Variants in PPP1R1A observed in about 807,000 individuals in gnomAD.
The protein encoded by PPP1R1A is protein phosphatase 1 regulatory inhibitor subunit 1A.
PPP1R1A carries 18 observed loss-of-function variants against 23.9 expected under a neutral mutation model. That is an observed-to-expected ratio of 0.75 (90% CI 0.52 to 1.12). The LOEUF (loss-of-function observed/expected upper bound fraction) is 1.12, where lower values mean the gene tolerates loss of function less well. PPP1R1A is among the 50% of genes most tolerant of loss of function. The pLI is 0.00. For missense variants in PPP1R1A, 207 were observed against 223.8 expected, an observed-to-expected ratio of 0.92 and a Z score of 0.48; for synonymous variants, 84 against 80.7, an observed-to-expected ratio of 1.04 and a Z score of -0.22.
chr12:54,580,457 C>T, intron 6 of PPP1R1A, 65 bp from the exon 7 acceptor site: 1 of 1,486,882 alleles, frequency 6.7e-7, no homozygotes, highest in Non-Finnish European at 9.4e-7. Flanking sequence ...TGTCCCTTCC[C>T]CTTCTGGCCA....
At chr12:54,588,240 G>T (rs899614562) in intron 1 of PPP1R1A, among the ~76,000 whole-genome samples, 165 bp downstream of exon 1, 1 of 150,838 alleles carries the variant, frequency 6.6e-6, no homozygotes, top group Non-Finnish European at 1.5e-5. Flanking sequence ...TCCGACGGTG[G>T]GGGAGGGGAC....
intron 3 of PPP1R1A, 97 bp from the exon 4 acceptor site, chr12:54,582,892 G>C (rs1355164524): frequency 7.8e-7 from 1 of 1,275,706 alleles, no homozygotes. Context: ...AGCCCCCCTT[G>C]CCTTCCTCCT....
chr12:54,583,141 T>A, intron 3 of PPP1R1A, 70 bp downstream of exon 3: 1 of 1,459,498 alleles, frequency 6.9e-7, no homozygotes, highest in South Asian at 1.4e-5. Context: ...GGCGGCAGGG[T>A]TTTAAGGAAT....
Position 54,579,853 on chromosome 12 carries a change from T to C in PPP1R1A, c.*534A>G, listed in dbSNP as rs1957837059. On this transcript the variant is annotated 3_prime_UTR_variant, in exon 7 of 7. Coordinates refer to ENST00000257905, the MANE Select transcript of PPP1R1A (RefSeq NM_006741.4). ...GCACACCACCATACCCTCTTTCCCA[T>C]GGGCCAAGTGCCATGGTGCAGTTCC... The C allele has an allele frequency of 1.0e-6, 1 of 985,616 alleles. No individual in the cohort carries two copies. Among genetic ancestry groups the C allele is most frequent in the African/African-American group, 1.7e-5 (1 of 57,216 alleles). 61.1% of individuals were successfully genotyped at this position (985,616 alleles called of 1,614,324 possible). A position where few individuals can be genotyped will look rare whatever the true frequency, so the allele number is the denominator to read the frequency against.
chr12:54,582,359 A>G (rs1297509367), intron 4 of PPP1R1A, among the ~76,000 whole-genome samples: 1 of 152,164 alleles, frequency 6.6e-6, no homozygotes, highest in Non-Finnish European at 1.5e-5. Context: ...GGCATAGGAG[A>G]AGAGGCTTTA....
At chr12:54,584,814 A>G (rs1957893084) in intron 1 of PPP1R1A, among the ~76,000 whole-genome samples, 1 of 151,956 alleles carries the variant, frequency 6.6e-6, no homozygotes, top group Admixed American at 6.6e-5. Flanking sequence ...GGGAGAGCTA[A>G]TCCTAAGGAT....
At chr12:54,583,017 AGTGT>A (rs973742966) in intron 3 of PPP1R1A, among the ~76,000 whole-genome samples, 190 bp downstream of exon 3, 2 of 151,474 alleles carry the variant, frequency 1.3e-5, no homozygotes, top group Admixed American at 6.6e-5. Flanking sequence ...GGAGACTGTG[AGTGT>A]GTGTGTGTAT....
chr12:54,585,716 CT>C (rs139502454), intron 1 of PPP1R1A, among the ~76,000 whole-genome samples: 1,527 of 151,422 alleles, frequency 0.01, 21 homozygotes, highest in African/African-American at 0.035. Context: ...AACACTGCCC[CT>C]CTCTATGCCC....
chr12:54,579,764 T>G lies in PPP1R1A; in HGVS notation c.*623A>C. 1 of 985,624 alleles carries G rather than the reference T, an allele frequency of 1.0e-6. No individual in the cohort carries two copies. The highest frequency in any genetic ancestry group is 1.2e-6 in the Non-Finnish European group (1 of 830,114). 61.1% of individuals were successfully genotyped at this position (985,624 alleles called of 1,614,324 possible). On this transcript the variant is annotated 3_prime_UTR_variant, in exon 7 of 7. Coordinates refer to ENST00000257905, the MANE Select transcript of PPP1R1A (RefSeq NM_006741.4). ...TCCCACAGCTGGAAGAGGGAACACA[T>G]CCTGAAGCTTGGGAATCCAAAAGGA...
rs541155781 is a variant in PPP1R1A, at chr12:54,581,237, T to A, written c.404-187A>T. 1.3e-5 allele frequency among the ~76,000 whole-genome samples: 2 copies of A among 152,286 alleles called. No individual in the cohort carries two copies. The highest frequency in any genetic ancestry group is 2.1e-4 in the South Asian group (1 of 4,830). On this transcript the variant is annotated intron_variant, in intron 5 of 6. Transcript: ENST00000257905. This position sits in a 1 kb window ranked among gnomAD's most constrained non-coding sequence, Gnocchi z 4.1. ...ACAATTACTACTATATGTTCACTTT[T>A]AAAAAATCTTCAATCAAATTGGAAA...
chr12:54,586,042 C>G (rs929150009), intron 1 of PPP1R1A, among the ~76,000 whole-genome samples: 1 of 152,110 alleles, frequency 6.6e-6, no homozygotes, highest in Non-Finnish European at 1.5e-5. Context: ...CATCCTTCAA[C>G]TAGAAGACTC....
At position 54,579,760 on chromosome 12, in the gene PPP1R1A, C is replaced by T; in HGVS notation, c.*627G>A. On this transcript the variant is annotated 3_prime_UTR_variant, in exon 7 of 7. Transcript: ENST00000257905. ...GCGGTCCCACAGCTGGAAGAGGGAA[C>T]ACATCCTGAAGCTTGGGAATCCAAA... 1.0e-6 allele frequency: 1 copy of T among 985,648 alleles called. No homozygotes were observed. The allele number at this position is 985,648 out of a possible 1,614,324, so 61.1% of individuals were successfully genotyped here.
intron 3 of PPP1R1A, 84 bp downstream of exon 3, chr12:54,583,127 G>T (rs759342587): frequency 1.4e-5 from 20 of 1,408,834 alleles, no homozygotes; most frequent in Non-Finnish European, 1.9e-5. Flanking sequence ...AGATCCTAGA[G>T]ATGGGCGGCA....
rs770537139 is a variant in PPP1R1A at position 54,583,224 on chromosome 12, T to C, written c.170A>G (p.Asn57Ser). 3.2e-6 allele frequency: 5 copies of C among 1,542,078 alleles called. No individual in the cohort carries two copies. The highest frequency in any genetic ancestry group is 2.8e-5 in the African/African-American group (2 of 71,304). ...GGGCCAGCTCACCTTGAGATGTGGGTTGGGGATCCGGTCTTCATCTATCTC... is the reference window on the plus strand; with the variant it reads ...GGGCCAGCTCACCTTGAGATGTGGGCTGGGGATCCGGTCTTCATCTATCTC... ...SPEIDEDRIP[N>S]PHLKSTLAMS... The change falls in exon 3 of 7, where the codon AAC (asparagine) becomes AGC (serine). Residue 57 changes from asparagine (N) to serine (S), a missense_variant. Physicochemically the swap from Asn to Ser is conservative, Grantham distance 46. Coordinates refer to ENST00000257905, the MANE Select transcript of PPP1R1A (RefSeq NM_006741.4).
rs1338066750 is a variant in PPP1R1A at position 54,582,746 on chromosome 12, G to A, written c.233C>T (p.Thr78Ile). ...PRQRKKMTRI[T>I]PTMKELQMMV... ...GTCTTGCAAACCTTTCATTGTGGGT[G>A]TGATCCTTGTCATCTTCTTCCGTTG... The change falls in exon 4 of 7, where the codon ACA becomes ATA. Residue 78 changes from threonine to isoleucine, a missense_variant. Coordinates refer to ENST00000257905, the MANE Select transcript of PPP1R1A (RefSeq NM_006741.4). 10 of 1,613,712 alleles carry A rather than the reference G, an allele frequency of 6.2e-6. No homozygotes were observed. The South Asian group carries it at 1.1e-4, about 18-fold the overall frequency.
intron 1 of PPP1R1A, among the ~76,000 whole-genome samples, chr12:54,587,674 C>T (rs942484993): frequency 6.6e-6 from 1 of 152,144 alleles, no homozygotes; most frequent in African/African-American, 2.4e-5. Context: ...CAGCTTGGAC[C>T]CCAGCCCCTG....
chr12:54,586,134 G>A (rs977664988), intron 1 of PPP1R1A, among the ~76,000 whole-genome samples: 1 of 152,138 alleles, frequency 6.6e-6, no homozygotes, highest in Non-Finnish European at 1.5e-5. Flanking sequence ...GGCGATCAGT[G>A]GGTTGAGATA....
rs553075188 is a variant in PPP1R1A, at chr12:54,582,870, C to T, written c.184-75G>A. Reference sequence around the variant, plus strand: ...AGACCCCTCCCTTGCCCTCTAGCCCCCCATGCCCTCCAGCCCCCCTTGCCT... The same window carrying T: ...AGACCCCTCCCTTGCCCTCTAGCCCTCCATGCCCTCCAGCCCCCCTTGCCT... On this transcript the variant is annotated intron_variant, in intron 3 of 6. Coordinates refer to ENST00000257905, the MANE Select transcript of PPP1R1A (RefSeq NM_006741.4). The T allele has an allele frequency of 1.0e-3, 1,499 of 1,451,990 alleles. 8 individuals are homozygous for T. The African/African-American group carries it at 0.019, about 18-fold the overall frequency. The allele number at this position is 1,451,990 out of a possible 1,614,324, so 89.9% of individuals were successfully genotyped here.
At position 54,580,286 on chromosome 12, in the gene PPP1R1A, A is replaced by T. The variant is rs1363547833; in HGVS notation, c.*101T>A. On this transcript the variant is annotated 3_prime_UTR_variant, in exon 7 of 7. Transcript: ENST00000257905. ...CCTAACACCAAATTTATCACTTTTT[A>T]AAAACAAGAGATTTTCCCCAAAAGT... 2.6e-6 allele frequency: 4 copies of T among 1,563,076 alleles called. No homozygotes were observed. Among genetic ancestry groups the T allele is most frequent in the Non-Finnish European group, 3.5e-6 (4 of 1,154,362 alleles).
Sources: gnomAD v4.1 joint callset for allele counts (sites outside exome capture counted in the v4.1 genomes callset) on GRCh38, gnomAD v4.1.1 for gene constraint, Gnocchi (gnomAD v3.1) non-coding constraint, MANE v1.5 for transcripts, NCBI Gene and HGNC (gene_info 2026-07-23, HGNC 2026-07-21) for gene names.